Variants in NUP133 observed in about 807,000 individuals in gnomAD.
NUP133 encodes nucleoporin 133.
A neutral mutation model predicts 146.2 loss-of-function variants in NUP133; 66 were observed. The observed-to-expected ratio is 0.45, with a 90% CI of 0.37 to 0.55. The LOEUF (loss-of-function observed/expected upper bound fraction) is 0.55. Ranked by LOEUF, NUP133 falls within the 20% of genes least tolerant of loss-of-function variation. NUP133 has a pLI of 0.00. For synonymous variants in NUP133, 521 were observed against 498.8 expected, an observed-to-expected ratio of 1.04 and a Z score of -0.59; for missense variants, 1,277 against 1,374.8, an observed-to-expected ratio of 0.93 and a Z score of 1.12.
intron 20 of NUP133, among the ~76,000 whole-genome samples, chr1:229,459,852 A>C (rs1266524929): frequency 6.6e-6 from 1 of 152,132 alleles, no homozygotes; most frequent in African/African-American, 2.4e-5. Flanking sequence ...CAACATACTG[A>C]CTTCAACTCC....
chr1:229,475,415 C>T (rs933246777), intron 14 of NUP133, among the ~76,000 whole-genome samples: 1 of 152,208 alleles, frequency 6.6e-6, no homozygotes, highest in East Asian at 1.9e-4. Flanking sequence ...AGTTCTTACA[C>T]AAACGCACAC....
At chr1:229,506,752 T>A (rs238763) in intron 1 of NUP133, among the ~76,000 whole-genome samples, 67,407 of 149,746 alleles carry the variant, frequency 0.45, 17,938 homozygotes, top group Non-Finnish European at 0.6. Context: ...ACAAAAAAAA[T>A]TTTAAATTAG....
At position 229,481,535 on chromosome 1, in the gene NUP133, C is replaced by T. The variant is rs531342680; in HGVS notation, c.1592+2519G>A. 8.6e-5 allele frequency among the ~76,000 whole-genome samples: 13 copies of T among 151,970 alleles called. No individual in the cohort carries two copies. In the South Asian group the frequency reaches 2.1e-3, roughly 24 times the overall value. On this transcript the variant is annotated intron_variant, in intron 12 of 25. Transcript: ENST00000261396. ...CAGCCTGGCCAACATGGTGAAACCT[C>T]GTCTCTATTAAAAATTCAAAAAATT...
In NUP133 at chr1:229,460,723, C is replaced by T. The variant is rs781740868; in HGVS notation, c.2732G>A (p.Arg911Gln). Residue 911 changes from arginine (R) to glutamine (Q), a missense_variant, in exon 20 of 26, where the codon CGA (arginine) becomes CAA (glutamine). Coordinates refer to ENST00000261396, the MANE Select transcript of NUP133 (RefSeq NM_018230.3). ...LFRWYLEKGK[R>Q]GKLLSQPISQ... ...AATGGGCTGAGATAATAATTTGCCTCGCTTTCCTTTCTCCAGATACCAACG... is the reference window on the plus strand; with the variant it reads ...AATGGGCTGAGATAATAATTTGCCTTGCTTTCCTTTCTCCAGATACCAACG... 24 of 1,613,882 alleles carry T rather than the reference C, an allele frequency of 1.5e-5. No individual in the cohort carries two copies. In the South Asian group the frequency reaches 2.0e-4, roughly 13 times the overall value.
chr1:229,503,160 C>A (rs1164868380), intron 2 of NUP133, among the ~76,000 whole-genome samples: 3 of 151,952 alleles, frequency 2.0e-5, no homozygotes, highest in African/African-American at 7.3e-5. Context: ...CACCTGTAAT[C>A]CTAGCTACTC....
chr1:229,502,558 C>CAAAAAAAAAAAAAAAAAAAAAAAAAAA (rs58520087), intron 2 of NUP133, among the ~76,000 whole-genome samples: 1 of 43,118 alleles, frequency 2.3e-5, no homozygotes, highest in African/African-American at 9.5e-5. Flanking sequence ...GACTCCATCT[C>CAAAAAAAAAAAAAAAAAAAAAAAAAAA]AAAAAAAAAA....
intron 12 of NUP133, among the ~76,000 whole-genome samples, chr1:229,480,123 G>C (rs759379947): frequency 3.3e-5 from 5 of 152,192 alleles, no homozygotes; most frequent in Admixed American, 3.3e-4. Context: ...GGGAGGGAAA[G>C]AGGAACAGGA....
chr1:229,508,052 C>A lies in NUP133; in HGVS notation c.182+16G>T. ...GAGGCTGTTGGTTGCCAGACCCAACCAGGGAGATCACTTACCGCGAGCTTA... is the reference window on the plus strand; with the variant it reads ...GAGGCTGTTGGTTGCCAGACCCAACAAGGGAGATCACTTACCGCGAGCTTA... On this transcript the variant is annotated intron_variant, in intron 1 of 25. Transcript: ENST00000261396. The A allele has an allele frequency of 1.4e-6, 2 of 1,474,190 alleles. No homozygotes were observed. Among genetic ancestry groups the A allele is most frequent in the Non-Finnish European group, 1.8e-6 (2 of 1,109,296 alleles). The allele number at this position is 1,474,190 out of a possible 1,614,324, so 91.3% of individuals were successfully genotyped here.
Position 229,508,253 on chromosome 1 carries a change from T to A in NUP133, c.-4A>T, listed in dbSNP as rs959459149. ...GAGAAGGGGCGGCTGGGAACATGACTCCAAGGAGCAGCGACTAGGACAGCG... is the reference window on the plus strand; with the variant it reads ...GAGAAGGGGCGGCTGGGAACATGACACCAAGGAGCAGCGACTAGGACAGCG... On this transcript the variant is annotated 5_prime_UTR_variant, in exon 1 of 26. Coordinates refer to ENST00000261396, the MANE Select transcript of NUP133 (RefSeq NM_018230.3). 6.6e-6 allele frequency: 10 copies of A among 1,507,942 alleles called. No individual in the cohort carries two copies. Among genetic ancestry groups the A allele is most frequent in the Non-Finnish European group, 8.0e-6 (9 of 1,129,058 alleles). The allele number at this position is 1,507,942 out of a possible 1,614,324, so 93.4% of individuals were successfully genotyped here.
intron 19 of NUP133, among the ~76,000 whole-genome samples, chr1:229,461,367 T>C (rs1340848353): frequency 6.6e-6 from 1 of 152,130 alleles, no homozygotes; most frequent in Non-Finnish European, 1.5e-5. Context: ...ACCAAGACGT[T>C]CTACAGTCTC....
chr1:229,449,024 A>C (rs1660380162), intron 24 of NUP133, 102 bp downstream of exon 24: 2 of 873,536 alleles, frequency 2.3e-6, no homozygotes, highest in Non-Finnish European at 3.7e-6. Flanking sequence ...AAATCCCAAC[A>C]CGTCTGGTCA....
chr1:229,450,667 T>A, intron 22 of NUP133, 62 bp from the exon 23 acceptor site: 1 of 794,292 alleles, frequency 1.3e-6, no homozygotes, highest in East Asian at 2.7e-5. Context: ...TAGAGACATT[T>A]ATGGAGAAAA....
At chr1:229,464,933 A>G (rs1660778151) in intron 17 of NUP133, 58 bp from the exon 18 acceptor site, 1 of 1,589,188 alleles carries the variant, frequency 6.3e-7, no homozygotes, top group South Asian at 1.1e-5. Flanking sequence ...TGGCTAAAGG[A>G]AAGACTAATA....
chr1:229,448,586 C>A (rs374966915), intron 24 of NUP133, among the ~76,000 whole-genome samples: 1 of 152,118 alleles, frequency 6.6e-6, no homozygotes, highest in African/African-American at 2.4e-5. Context: ...CAGCCCACGC[C>A]GCTGCTCTGT....
chr1:229,465,108 T>A (rs1057301461), intron 17 of NUP133, among the ~76,000 whole-genome samples: 1 of 152,200 alleles, frequency 6.6e-6, no homozygotes, highest in African/African-American at 2.4e-5. Context: ...TTAATGCTAC[T>A]CCACTTACTT....
chr1:229,501,632 G>A (rs187221801), intron 3 of NUP133, among the ~76,000 whole-genome samples: 27 of 152,172 alleles, frequency 1.8e-4, no homozygotes, highest in African/African-American at 5.3e-4. Context: ...CATTCAGTAG[G>A]TTCAACAAAA....
At chr1:229,506,000 T>C in intron 2 of NUP133, 40 bp downstream of exon 2, 1 of 1,215,948 alleles carries the variant, frequency 8.2e-7, no homozygotes, top group Non-Finnish European at 1.2e-6. Flanking sequence ...AGGCTCCATT[T>C]TAAACTGCTA....
At chr1:229,472,667 AGT>A (rs972759595) in intron 14 of NUP133, among the ~76,000 whole-genome samples, 48 of 148,930 alleles carry the variant, frequency 3.2e-4, no homozygotes, top group African/African-American at 1.1e-3. Flanking sequence ...TGGGTGACAG[AGT>A]GAGACCCTGT....
intron 8 of NUP133, among the ~76,000 whole-genome samples, chr1:229,491,337 G>A (rs1322171801): frequency 1.3e-5 from 2 of 152,116 alleles, no homozygotes; most frequent in African/African-American, 2.4e-5. Flanking sequence ...TTGTCCAGAG[G>A]AAAAACATTT....
Sources: gnomAD v4.1 joint callset for allele counts (sites outside exome capture counted in the v4.1 genomes callset) on GRCh38, gnomAD v4.1.1 for gene constraint, MANE v1.5 for transcripts, NCBI Gene and HGNC (gene_info 2026-07-23, HGNC 2026-07-21) for gene names.